MAP7D2: variants seen among roughly 807,000 people sequenced by gnomAD.
The protein encoded by MAP7D2 is MAP7 domain containing 2.
MAP7D2 carries 33 observed loss-of-function variants against 63.5 expected under a neutral mutation model. The observed-to-expected ratio is 0.52, with a 90% CI of 0.39 to 0.70. MAP7D2 has a LOEUF of 0.70. Among genes scored for constraint, MAP7D2 ranks in the 30% least tolerant of loss-of-function variants. The pLI is 0.00. For synonymous variants in MAP7D2, 224 were observed against 223.7 expected, an observed-to-expected ratio of 1.00 and a Z score of -0.01; for missense variants, 626 against 604.0, an observed-to-expected ratio of 1.04 and a Z score of -0.38.
intron 15 of MAP7D2, 34 bp downstream of exon 15, chrX:20,012,315 T>C: frequency 9.4e-7 from 1 of 1,062,192 alleles, no homozygotes; most frequent in Non-Finnish European, 1.3e-6. Context: ...TTTCGAGAAG[T>C]GATGAGGCTT....
chrX:20,057,062 C>T (rs981150247), intron 3 of MAP7D2, among the ~76,000 whole-genome samples: 4 of 112,714 alleles, frequency 3.5e-5, no homozygotes, highest in Non-Finnish European at 7.5e-5. Context: ...AGGAATAATG[C>T]CCAATAAGCA....
At chrX:20,074,353 A>G (rs1469973441) in intron 1 of MAP7D2, among the ~76,000 whole-genome samples, 1 of 111,504 alleles carries the variant, frequency 9.0e-6, no homozygotes, top group Non-Finnish European at 1.9e-5. Context: ...GTAATGATTT[A>G]TGCAAAAATA....
intron 8 of MAP7D2, among the ~76,000 whole-genome samples, chrX:20,031,548 C>A (rs1044518936): frequency 9.1e-6 from 1 of 110,469 alleles, no homozygotes; most frequent in Non-Finnish European, 1.9e-5. Context: ...AGGCAGATCA[C>A]TTGAGGTCAG....
At chrX:20,083,060 A>G (rs759426108) in intron 1 of MAP7D2, among the ~76,000 whole-genome samples, 3 of 112,153 alleles carry the variant, frequency 2.7e-5, no homozygotes, top group Non-Finnish European at 3.8e-5. Flanking sequence ...ATTTACCTCT[A>G]TCTAACCCAC....
intron 3 of MAP7D2, among the ~76,000 whole-genome samples, chrX:20,060,426 G>GAA (rs2065182955): frequency 2.8e-5 from 2 of 72,103 alleles, no homozygotes; most frequent in African/African-American, 1.1e-4. Flanking sequence ...AAGAGAGAGA[G>GAA]AGAGAGAGAA....
At chrX:20,019,304 C>T (rs1307304335) in intron 10 of MAP7D2, among the ~76,000 whole-genome samples, 4 of 111,914 alleles carry the variant, frequency 3.6e-5, no homozygotes, top group African/African-American at 9.8e-5. Flanking sequence ...ACTGGGATTA[C>T]AGGTGTGAGC....
At chrX:20,049,508 G>T (rs2064890926) in intron 6 of MAP7D2, among the ~76,000 whole-genome samples, 1 of 110,833 alleles carries the variant, frequency 9.0e-6, no homozygotes, top group African/African-American at 3.3e-5. Context: ...CCTACCTCAA[G>T]TGAACTGCCC....
chrX:20,115,255 A>AAAAC (rs1354330481), intron 1 of MAP7D2, among the ~76,000 whole-genome samples: 6 of 107,795 alleles, frequency 5.6e-5, no homozygotes, highest in African/African-American at 2.0e-4. Context: ...AAAAAAAAAA[A>AAAAC]AAACCCCTTA....
At chrX:20,094,512 A>ATG (rs1406755758) in intron 1 of MAP7D2, among the ~76,000 whole-genome samples, 111 of 7,663 alleles carry the variant, frequency 0.014, 13 homozygotes, top group Middle Eastern at 0.062. Context: ...ATATATATAT[A>ATG]TATGTATATA....
intron 8 of MAP7D2, among the ~76,000 whole-genome samples, chrX:20,029,685 GACCC>G (rs1384823065): frequency 9.0e-6 from 1 of 111,120 alleles, no homozygotes; most frequent in Non-Finnish European, 1.9e-5. Context: ...TACAGTCCCC[GACCC>G]CAGCCCCTGC....
chrX:20,022,675 G>C (rs758260599), intron 10 of MAP7D2, among the ~76,000 whole-genome samples: 35 of 111,797 alleles, frequency 3.1e-4, no homozygotes, highest in Non-Finnish European at 6.4e-4. Context: ...TTTTCACTTG[G>C]GTGTCTGAGG....
chrX:20,044,637 C>T (rs2064748770), intron 6 of MAP7D2, 113 bp from the exon 7 acceptor site: 1 of 675,609 alleles, frequency 1.5e-6, no homozygotes, highest in African/African-American at 2.2e-5. Flanking sequence ...CAATCAATAT[C>T]ATACTTTTCT....
chrX:20,063,617 C>G (rs2065277236), intron 2 of MAP7D2, 40 bp from the exon 3 acceptor site: 3 of 1,184,949 alleles, frequency 2.5e-6, no homozygotes, highest in South Asian at 3.7e-5. Context: ...ATTACCAGAG[C>G]ATCCCATGCA....
intron 4 of MAP7D2, among the ~76,000 whole-genome samples, chrX:20,053,749 T>A (rs1178258481): frequency 8.9e-6 from 1 of 111,976 alleles, no homozygotes; most frequent in Non-Finnish European, 1.9e-5. Flanking sequence ...ATCAATAATA[T>A]TTTCAAAATC....
chrX:20,065,728 T>G (rs996041078), intron 1 of MAP7D2, among the ~76,000 whole-genome samples: 3 of 111,306 alleles, frequency 2.7e-5, no homozygotes, highest in African/African-American at 9.8e-5. Flanking sequence ...AATGACAACT[T>G]CCCCGAAAAT....
chrX:20,044,724 G>C (rs1370720248), intron 6 of MAP7D2, among the ~76,000 whole-genome samples, 200 bp from the exon 7 acceptor site: 1 of 111,579 alleles, frequency 9.0e-6, no homozygotes, highest in East Asian at 2.8e-4. Flanking sequence ...TATTTCAGGG[G>C]TTAAAAGTCT....
intron 8 of MAP7D2, among the ~76,000 whole-genome samples, chrX:20,041,749 T>C (rs2064661169): frequency 8.9e-6 from 1 of 112,541 alleles, no homozygotes; most frequent in South Asian, 3.7e-4. Flanking sequence ...AGTTATTTAC[T>C]GAGTCTTTTG....
At chrX:20,013,774 T>C in intron 12 of MAP7D2, 149 bp from the exon 13 acceptor site, 1 of 443,471 alleles carries the variant, frequency 2.3e-6, no homozygotes, top group Non-Finnish European at 3.8e-6. Context: ...AGAAAGGTTT[T>C]CCACTAGTTT....
At chrX:20,100,669 G>A (rs1225247571) in intron 1 of MAP7D2, among the ~76,000 whole-genome samples, 1 of 110,717 alleles carries the variant, frequency 9.0e-6, no homozygotes, top group African/African-American at 3.3e-5. Context: ...ATGCTATGAT[G>A]CTGGCCTTGA....
Sources: gnomAD v4.1 joint callset for allele counts (sites outside exome capture counted in the v4.1 genomes callset) on GRCh38, gnomAD v4.1.1 for gene constraint, MANE v1.5 for transcripts, NCBI Gene and HGNC (gene_info 2026-07-23, HGNC 2026-07-21) for gene names.